The following PCDH11X variants were observed in gnomAD, a reference collection of about 807,000 sequenced individuals.
PCDH11X encodes protocadherin-11 X-linked.
A neutral mutation model predicts 53.3 loss-of-function variants in PCDH11X; 18 were observed. The observed-to-expected ratio is 0.34, with a 90% CI of 0.23 to 0.50. The LOEUF is 0.50. Ranked by LOEUF, PCDH11X falls within the 20% of genes least tolerant of loss-of-function variation. The pLI is 0.98. For missense variants in PCDH11X, 570 were observed against 1,032.4 expected (o/e 0.55, Z 6.14); for synonymous variants, 279 against 393.3 (o/e 0.71, Z 3.44).
At chrX:91,887,110 G>A (rs946778739) in intron 6 of PCDH11X, among the ~76,000 whole-genome samples, 1 of 109,120 alleles carries the variant, frequency 9.2e-6, no homozygotes, top group African/African-American at 3.3e-5. Context: ...TCATTTTGCT[G>A]TTTTGTCACC....
At chrX:92,194,403 T>C (rs1883742997) in intron 6 of PCDH11X, among the ~76,000 whole-genome samples, 1 of 111,716 alleles carries the variant, frequency 9.0e-6, no homozygotes, top group Non-Finnish European at 1.9e-5. Flanking sequence ...TCATAACTCT[T>C]CCACTGAATA....
chrX:92,009,700 CTTTTT>C (rs68159170), intron 6 of PCDH11X, among the ~76,000 whole-genome samples: 140 of 66,637 alleles, frequency 2.1e-3, no homozygotes, highest in African/African-American at 7.5e-3. Context: ...TGACTGTTGC[CTTTTT>C]TTTTTTTTTT....
At chrX:92,285,505 G>A (rs1204046751) in intron 8 of PCDH11X, among the ~76,000 whole-genome samples, 1 of 110,257 alleles carries the variant, frequency 9.1e-6, no homozygotes, top group Non-Finnish European at 1.9e-5. Context: ...CGCCCGCTTC[G>A]GCCTCCCAAA....
At chrX:91,909,153 A>G (rs1194131143) in intron 6 of PCDH11X, among the ~76,000 whole-genome samples, 1 of 111,208 alleles carries the variant, frequency 9.0e-6, no homozygotes, top group African/African-American at 3.3e-5. Flanking sequence ...GCTATTTGAA[A>G]TGTTTTGCTC....
chrX:91,832,071 G>A (rs1235447079), intron 4 of PCDH11X, among the ~76,000 whole-genome samples: 3 of 108,664 alleles, frequency 2.8e-5, no homozygotes, highest in African/African-American at 1.0e-4. Context: ...ATGGTATTGT[G>A]GAAGACAGTG....
At chrX:92,165,210 G>A (rs2065712814) in intron 6 of PCDH11X, among the ~76,000 whole-genome samples, 1 of 111,581 alleles carries the variant, frequency 9.0e-6, no homozygotes, top group Non-Finnish European at 1.9e-5. Context: ...GATCATTCTT[G>A]GCATATATTG....
intron 6 of PCDH11X, among the ~76,000 whole-genome samples, chrX:91,940,853 T>C (rs2061500737): frequency 9.1e-6 from 1 of 109,379 alleles, no homozygotes; most frequent in Admixed American, 9.9e-5. Context: ...TATTGCAAGG[T>C]TTTTATAATA....
At chrX:92,186,104 C>T (rs2066088126) in intron 6 of PCDH11X, among the ~76,000 whole-genome samples, 1 of 110,908 alleles carries the variant, frequency 9.0e-6, no homozygotes, top group Non-Finnish European at 1.9e-5. Context: ...ATAGAATCAA[C>T]CTAAGTGCCT....
chrX:91,971,908 C>A (rs2061965996), intron 6 of PCDH11X, among the ~76,000 whole-genome samples: 1 of 111,172 alleles, frequency 9.0e-6, no homozygotes, highest in East Asian at 2.8e-4. Flanking sequence ...TGGTTGCCAG[C>A]ATTTGAGAGT....
In PCDH11X at chrX:92,190,283, G is replaced by A. The variant is rs138059118; in HGVS notation, c.3034-11092G>A. Among the ~76,000 whole-genome samples the A allele has an allele frequency of 7.8e-3, 866 of 110,911 alleles. 9 individuals are homozygous for A. Among genetic ancestry groups the A allele is most frequent in the African/African-American group, 0.027 (827 of 30,504 alleles). ...GATCTAGTTCCAATTTTCTGCATAT[G>A]GCCAGCCAGTTCTCCCAGCACCATT... On this transcript the variant is annotated intron_variant, in intron 6 of 10. Coordinates refer to ENST00000682573, the MANE Select transcript of PCDH11X (RefSeq NM_032968.5).
At chrX:92,140,934 TA>T (rs1342243026) in intron 6 of PCDH11X, among the ~76,000 whole-genome samples, 41 of 111,715 alleles carry the variant, frequency 3.7e-4, no homozygotes, top group Non-Finnish European at 6.2e-4. Context: ...GACGAGTACA[TA>T]AAAAAGCTAT....
intron 6 of PCDH11X, among the ~76,000 whole-genome samples, chrX:91,998,924 A>AT (rs921026819): frequency 5.6e-5 from 6 of 107,201 alleles, no homozygotes; most frequent in South Asian, 7.9e-4. Context: ...ATTTTATTTT[A>AT]TTTTTTTTGA....
chrX:92,554,426 G>A (rs2075014552), intron 10 of PCDH11X, among the ~76,000 whole-genome samples: 2 of 108,622 alleles, frequency 1.8e-5, no homozygotes, highest in African/African-American at 3.3e-5. Flanking sequence ...AAATTTTATG[G>A]GTACAGGGTA....
chrX:92,194,275 T>G, intron 6 of PCDH11X, among the ~76,000 whole-genome samples: 1 of 111,780 alleles, frequency 8.9e-6, no homozygotes, highest in South Asian at 3.6e-4. Context: ...AAATTATTCT[T>G]TTAGGGATTT....
At chrX:92,378,759 C>T (rs2070805991) in intron 8 of PCDH11X, among the ~76,000 whole-genome samples, 2 of 111,760 alleles carry the variant, frequency 1.8e-5, no homozygotes, top group Non-Finnish European at 3.8e-5. Context: ...TTTGAAGTCA[C>T]TTATATAAGG....
At chrX:91,829,035 CTAGAATATGCA>C (rs1252483320) in intron 4 of PCDH11X, among the ~76,000 whole-genome samples, 7 of 110,060 alleles carry the variant, frequency 6.4e-5, no homozygotes, top group African/African-American at 2.0e-4. Context: ...TTAAGTCATG[CTAGAATATGCA>C]CCATACGTAT....
rs549186547 is a variant in PCDH11X at position 92,373,183 on chromosome X, A to G, written c.3145-14552A>G. Reference sequence around the variant, plus strand: ...AGTTTTACATGGCATGTGAGTCTTCATAAATAAGGAAATGAAGACCCAAAG... The same window carrying G: ...AGTTTTACATGGCATGTGAGTCTTCGTAAATAAGGAAATGAAGACCCAAAG... On this transcript the variant is annotated intron_variant, in intron 8 of 10. Coordinates refer to ENST00000682573, the MANE Select transcript of PCDH11X (RefSeq NM_032968.5). Among the ~76,000 whole-genome samples the G allele has an allele frequency of 4.5e-5, 5 of 109,989 alleles. No homozygotes were observed. In the South Asian group the frequency reaches 1.2e-3, roughly 25 times the overall value.
intron 9 of PCDH11X, among the ~76,000 whole-genome samples, chrX:92,434,133 A>G (rs571424086): frequency 1.8e-5 from 2 of 110,950 alleles, no homozygotes; most frequent in Non-Finnish European, 1.9e-5. Flanking sequence ...TCTATCATCT[A>G]TCTATCTATC....
At chrX:92,055,455 A>T (rs751385577) in intron 6 of PCDH11X, among the ~76,000 whole-genome samples, 4 of 90,707 alleles carry the variant, frequency 4.4e-5, no homozygotes, top group African/African-American at 1.6e-4. Flanking sequence ...TTTAAAGCTC[A>T]TATATGCTAC....
Sources: allele counts gnomAD v4.1 joint callset (sites outside exome capture counted in the v4.1 genomes callset), GRCh38; gene constraint gnomAD v4.1.1; transcripts MANE v1.5; gene names NCBI Gene and HGNC (gene_info 2026-07-23, HGNC 2026-07-21).